The following IGSF10 variants were observed in gnomAD, a reference collection of about 807,000 sequenced individuals.
IGSF10 encodes calvaria mechanical force protein 608.
In IGSF10, 126 loss-of-function variants were observed where a neutral mutation model predicts 128.2. The observed-to-expected ratio is 0.98, with a 90% CI of 0.85 to 1.14. The LOEUF (loss-of-function observed/expected upper bound fraction) is 1.14, where lower values mean the gene tolerates loss of function less well. Among genes scored for constraint, IGSF10 ranks in the 50% most tolerant of loss-of-function variants. IGSF10 has a pLI of 0.00. For synonymous variants in IGSF10, 1,185 were observed against 1,146.2 expected (o/e 1.03, Z -0.68); for missense variants, 3,295 against 3,149.8 (o/e 1.05, Z -1.10).
At chr3:151,490,618 T>C in the IGSF10 span, among the ~76,000 whole-genome samples, 13 of 152,106 alleles carry the variant, frequency 8.5e-5, no homozygotes, top group African/African-American at 3.1e-4. Flanking sequence ...ATAGACTGTA[T>C]GTAAAGGCCA....
chr3:151,505,413 C>G, the IGSF10 span, among the ~76,000 whole-genome samples: 1 of 152,076 alleles, frequency 6.6e-6, no homozygotes, highest in Admixed American at 6.5e-5. Flanking sequence ...CAGGTCCCTC[C>G]CATCACAAGT....
At chr3:151,434,406 G>A (rs1719862456), downstream of IGSF10, 1 of 152,148 alleles carries the variant, frequency 6.6e-6, no homozygotes, top group Non-Finnish European at 1.5e-5. Context: ...TTTGTACACT[G>A]TGAAAATATT....
At chr3:151,463,524 T>TG (rs1560185412), upstream of IGSF10, among the ~76,000 whole-genome samples, 4 of 41,600 alleles carry the variant, frequency 9.6e-5, no homozygotes, top group South Asian at 1.0e-3. Flanking sequence ...CATTTTCTGG[T>TG]TTTTTTTTTT....
In IGSF10 at chr3:151,460,233, T is replaced by C. The variant is rs1210175951; in HGVS notation, c.-2+28A>G. Reference sequence around the variant, plus strand: ...TCTCACAAACGTAAGGCTGAAAATGTACATAATGAAATAGGAATTGGCAAT... The same window carrying C: ...TCTCACAAACGTAAGGCTGAAAATGCACATAATGAAATAGGAATTGGCAAT... On this transcript the variant is annotated intron_variant, in intron 2 of 7. Transcript: ENST00000282466. 8.8e-6 allele frequency: 6 copies of C among 681,468 alleles called. No individual in the cohort carries two copies. The Admixed American group carries it at 3.8e-4, about 43-fold the overall frequency. 42.2% of individuals were successfully genotyped at this position (681,468 alleles called of 1,614,324 possible).
chr3:151,469,438 G>T, the IGSF10 span, among the ~76,000 whole-genome samples: 15 of 151,940 alleles, frequency 9.9e-5, no homozygotes, highest in East Asian at 2.3e-3. Context: ...ATATACTTTT[G>T]TACTATGTGA....
the IGSF10 span, among the ~76,000 whole-genome samples, chr3:151,561,666 T>C: frequency 6.6e-6 from 1 of 152,200 alleles, no homozygotes; most frequent in Middle Eastern, 3.4e-3. Flanking sequence ...GATATCCTGA[T>C]AAAGAAAGAA....
At chr3:151,463,073 G>A (rs185475668), upstream of IGSF10, among the ~76,000 whole-genome samples, 21 of 152,102 alleles carry the variant, frequency 1.4e-4, no homozygotes, top group Non-Finnish European at 2.2e-4. Flanking sequence ...TATTTTCCTA[G>A]GCTTGTTACC....
the IGSF10 span, among the ~76,000 whole-genome samples, chr3:151,491,905 G>T: frequency 1.1e-4 from 17 of 152,160 alleles, no homozygotes; most frequent in Non-Finnish European, 2.9e-5. Flanking sequence ...TAAAACATTA[G>T]CAAACCAAGT....
chr3:151,454,351 G>T (rs2108569701), intron 4 of IGSF10, among the ~76,000 whole-genome samples: 1 of 152,154 alleles, frequency 6.6e-6, no homozygotes, highest in African/African-American at 2.4e-5. Flanking sequence ...ATATATGAAT[G>T]ATATTGTGGT....
Position 151,448,085 on chromosome 3 carries a change from T to C in IGSF10, c.1896A>G (p.Ile632Met), listed in dbSNP as rs1721305800. 4 of 1,614,222 alleles carry C rather than the reference T, an allele frequency of 2.5e-6. No individual in the cohort carries two copies. The East Asian group carries it at 8.9e-5, about 36-fold the overall frequency. ...CTTGGTCTTTCGGGGTGACCTGTAATATTCTTAATGTGCCATTGTTTAGAA... is the reference window on the plus strand; with the variant it reads ...CTTGGTCTTTCGGGGTGACCTGTAACATTCTTAATGTGCCATTGTTTAGAA... ...KKVLNNGTLR[I>M]LQVTPKDQGY... Residue 632 changes from isoleucine to methionine, a missense_variant, in exon 6 of 8, where the codon ATA becomes ATG. Ile to Met is a conservative substitution (Grantham distance 10). Transcript: ENST00000282466.
chr3:151,476,404 C>G, the IGSF10 span, among the ~76,000 whole-genome samples: 3 of 151,602 alleles, frequency 2.0e-5, no homozygotes, highest in Non-Finnish European at 2.9e-5. Flanking sequence ...GGCCTCTGCC[C>G]CAAATGAGGA....
rs746050122 is a variant in IGSF10, at chr3:151,438,149, T to C, written c.6412A>G (p.Thr2138Ala). Residue 2138 changes from threonine (T) to alanine (A), a missense_variant, in exon 8 of 8, where the codon ACA becomes GCA. Transcript: ENST00000282466. ...CTCTGCCTTATCCGGGGAGCAGCTG[T>C]TATAACTGTTAAGTGGACCTTCATT... ...DEMKVHLTVI[T>A]AAPRIRQSNK... The C allele has an allele frequency of 6.2e-7, 1 of 1,614,174 alleles. No individual in the cohort carries two copies. Among genetic ancestry groups the C allele is most frequent in the East Asian group, 2.2e-5 (1 of 44,880 alleles).
intron 6 of IGSF10, 66 bp downstream of exon 6, chr3:151,444,853 C>T: frequency 7.0e-7 from 1 of 1,433,048 alleles, no homozygotes; most frequent in Non-Finnish European, 9.4e-7. Flanking sequence ...TGTTTAATCC[C>T]AAAACATAAC....
the IGSF10 span, among the ~76,000 whole-genome samples, chr3:151,551,665 AC>A: frequency 5.8e-5 from 1 of 17,098 alleles, no homozygotes; most frequent in Admixed American, 4.2e-4. Flanking sequence ...TGGGCATTAC[AC>A]ACACACACAC....
the IGSF10 span, among the ~76,000 whole-genome samples, chr3:151,618,598 T>C: frequency 2.6e-5 from 4 of 151,414 alleles, no homozygotes; most frequent in Non-Finnish European, 5.9e-5. Context: ...GGCGTGGTGG[T>C]GGGTGCCTGT....
chr3:151,610,333 C>T, the IGSF10 span, among the ~76,000 whole-genome samples: 1 of 152,040 alleles, frequency 6.6e-6, no homozygotes, highest in Non-Finnish European at 1.5e-5. Flanking sequence ...TCTTATAGGC[C>T]ACCGGTTTTC....
chr3:151,461,392 A>AT, upstream of IGSF10: 1 of 985,290 alleles, frequency 1.0e-6, no homozygotes, highest in Non-Finnish European at 1.2e-6. Flanking sequence ...CCAAAGTTCT[A>AT]TTTGAAGGCT....
Position 151,446,651 on chromosome 3 carries a change from T to C in IGSF10, c.3330A>G (p.Leu1110=). 6.2e-7 allele frequency: 1 copy of C among 1,614,060 alleles called. No individual in the cohort carries two copies. Among genetic ancestry groups the C allele is most frequent in the Non-Finnish European group, 8.5e-7 (1 of 1,179,960 alleles). The change falls in exon 6 of 8, where the codon CTA becomes CTG. Residue 1110 remains leucine, a synonymous_variant. Coordinates refer to ENST00000282466, the MANE Select transcript of IGSF10 (RefSeq NM_178822.5). Reference sequence around the variant, plus strand: ...CACTGGGTTTGTTCTCAAGTAGTAATAGTGGATTCTGGACTAGAGTTGTAG... The same window carrying C: ...CACTGGGTTTGTTCTCAAGTAGTAACAGTGGATTCTGGACTAGAGTTGTAG... ...EESTTLVQNP[L]LLLENKPSVE... is the part of the protein sequence containing the mutation.
Position 151,437,073 on chromosome 3 carries a change from T to A in IGSF10, c.7488A>T (p.Ala2496=), listed in dbSNP as rs1270613928. ...HDNGTLVIKE[A]TAYDRGNYIC... ...TATAGTTTCCTCTGTCATAAGCTGT[T>A]GCTTCTTTAATGACTAAGGTGCCAT... is the stretch of plus-strand genomic sequence containing the variant. The change falls in exon 8 of 8, where the codon GCA becomes GCT. Residue 2496 remains alanine (A), a synonymous_variant. Transcript: ENST00000282466. 1 of 1,614,252 alleles carries A rather than the reference T, an allele frequency of 6.2e-7. No individual in the cohort carries two copies. Among genetic ancestry groups the A allele is most frequent in the Non-Finnish European group, 8.5e-7 (1 of 1,180,032 alleles).
Sources: allele counts gnomAD v4.1 joint callset (sites outside exome capture counted in the v4.1 genomes callset), GRCh38; gene constraint gnomAD v4.1.1; transcripts MANE v1.5; gene names NCBI Gene and HGNC (gene_info 2026-07-23, HGNC 2026-07-21).